DHX57: variants seen among roughly 807,000 people sequenced by gnomAD.
DHX57 encodes the protein DExH-box helicase 57.
A neutral mutation model predicts 156.2 loss-of-function variants in DHX57; 105 were observed. The observed-to-expected ratio is 0.67, with a 90% CI of 0.57 to 0.79. DHX57 has a LOEUF of 0.79. Among genes scored for constraint, DHX57 ranks in the 30% least tolerant of loss-of-function variants. The probability of loss-of-function intolerance (pLI) is 0.00; values close to 1 mark genes in which losing one functional copy is unlikely to be tolerated. For synonymous variants in DHX57, 704 were observed against 595.6 expected (o/e 1.18, Z -2.65); for missense variants, 1,847 against 1,661.9 (o/e 1.11, Z -1.94).
intron 6 of DHX57, chr2:38,857,226 G>T (rs1436420889): frequency 6.5e-6 from 1 of 153,012 alleles, no homozygotes; most frequent in Admixed American, 6.6e-5. Flanking sequence ...CATGGGTAGG[G>T]GCTACCATAT....
At chr2:38,862,517 C>G in intron 3 of DHX57, 184 bp from the exon 4 acceptor site, 1 of 525,630 alleles carries the variant, frequency 1.9e-6, no homozygotes, top group Non-Finnish European at 3.1e-6. Flanking sequence ...TTATTAAATA[C>G]CAGTTACTGT....
chr2:38,825,970 C>T lies in DHX57; in HGVS notation c.2891G>A (p.Arg964Gln), dbSNP rs567818287. Residue 964 changes from arginine (R) to glutamine (Q), a missense_variant, in exon 16 of 24, where the codon CGA becomes CAA. By Grantham distance (43) the Arg-to-Gln change is conservative (BLOSUM62 1). Transcript: ENST00000457308. The stretch of plus-strand genomic sequence containing the variant: ...GACCCCAGATGCAACACGGCCTGCT[C>T]GGCCTTTCCTTTGTAGAGCATTAGC... ...SQANALQRKGRAGRVASGVCF... is the reference protein window; with the variant it reads ...SQANALQRKGQAGRVASGVCF... The T allele has an allele frequency of 4.3e-6, 7 of 1,614,170 alleles. No individual in the cohort carries two copies. Among genetic ancestry groups the T allele is most frequent in the Admixed American group, 1.7e-5 (1 of 60,006 alleles).
At chr2:38,830,409 C>G (rs559560100) in intron 13 of DHX57, among the ~76,000 whole-genome samples, 1 of 152,142 alleles carries the variant, frequency 6.6e-6, no homozygotes, top group Non-Finnish European at 1.5e-5. Flanking sequence ...GGGTGGATCA[C>G]CTGAGGTCAA....
At position 38,798,161 on chromosome 2, in the gene DHX57, G is replaced by C; in HGVS notation, c.*138C>G. On this transcript the variant is annotated 3_prime_UTR_variant, in exon 24 of 24. Coordinates refer to ENST00000457308, the MANE Select transcript of DHX57 (RefSeq NM_198963.3). ...CCCTAAGGGTATATACACTGCCTCA[G>C]CTGCCTTGGGCTTCATGCCCTGGGC... The C allele has an allele frequency of 8.5e-7, 1 of 1,178,964 alleles. No individual in the cohort carries two copies. The highest frequency in any genetic ancestry group is 2.4e-5 in the East Asian group (1 of 41,626). 73.0% of individuals were successfully genotyped at this position (1,178,964 alleles called of 1,614,324 possible). A position where few individuals can be genotyped will look rare whatever the true frequency, so the allele number is the denominator to read the frequency against.
intron 13 of DHX57, among the ~76,000 whole-genome samples, chr2:38,830,124 T>C (rs940244115): frequency 6.6e-6 from 1 of 152,144 alleles, no homozygotes; most frequent in African/African-American, 2.4e-5. Context: ...CAATGGGATA[T>C]AAAACAAGCA....
chr2:38,806,587 T>G lies in DHX57; in HGVS notation c.3788A>C (p.His1263Pro). Residue 1263 changes from histidine to proline, a missense_variant, in exon 22 of 24, where the codon CAC becomes CCC. Transcript: ENST00000457308. ...KFVTKNDGYVHIHPSSVNYQV... is the reference protein window; with the variant it reads ...KFVTKNDGYVPIHPSSVNYQV... Reference sequence around the variant, plus strand: ...ATAGTTCACTGATGAAGGGTGAATGTGTACATATCCATCGTTCTTGGTGAC... The same window carrying G: ...ATAGTTCACTGATGAAGGGTGAATGGGTACATATCCATCGTTCTTGGTGAC... 6.2e-7 allele frequency: 1 copy of G among 1,614,150 alleles called. No individual in the cohort carries two copies. Among genetic ancestry groups the G allele is most frequent in the Non-Finnish European group, 8.5e-7 (1 of 1,180,026 alleles).
chr2:38,804,593 G>A (rs894553009), intron 22 of DHX57, among the ~76,000 whole-genome samples: 4 of 152,098 alleles, frequency 2.6e-5, no homozygotes, highest in Admixed American at 2.6e-4. Context: ...TCAAGTCCTT[G>A]CCATGGCTAC....
chr2:38,855,018 T>C (rs747246903), intron 8 of DHX57, 39 bp downstream of exon 8: 14 of 1,613,534 alleles, frequency 8.7e-6, no homozygotes, highest in Admixed American at 8.3e-5. Context: ...CTAAAAACCA[T>C]AAATTTCTGT....
intron 11 of DHX57, among the ~76,000 whole-genome samples, chr2:38,844,302 A>G (rs1157067381): frequency 6.6e-6 from 1 of 152,244 alleles, no homozygotes; most frequent in Non-Finnish European, 1.5e-5. Flanking sequence ...AAATGTTATT[A>G]GAGGCACAAG....
At chr2:38,815,416 T>G (rs1670486639) in intron 20 of DHX57, 105 bp downstream of exon 20, 7 of 1,447,536 alleles carry the variant, frequency 4.8e-6, no homozygotes, top group Non-Finnish European at 5.7e-6. Flanking sequence ...ATTAACCCAC[T>G]GCTCAAAGGC....
chr2:38,798,112 T>G lies in DHX57; in HGVS notation c.*187A>C. 2 of 581,492 alleles carry G rather than the reference T, an allele frequency of 3.4e-6. No homozygotes were observed. Among genetic ancestry groups the G allele is most frequent in the Non-Finnish European group, 5.6e-6 (2 of 356,006 alleles). 36.0% of individuals were successfully genotyped at this position (581,492 alleles called of 1,614,324 possible). A position where few individuals can be genotyped will look rare whatever the true frequency, so the allele number is the denominator to read the frequency against. ...TTGACACTCCAAATTGTGCTGGGAGTGGCCAAGGCTTTGTTAGAAATGGCC... is the reference window on the plus strand; with the variant it reads ...TTGACACTCCAAATTGTGCTGGGAGGGGCCAAGGCTTTGTTAGAAATGGCC... On this transcript the variant is annotated 3_prime_UTR_variant, in exon 24 of 24. Transcript: ENST00000457308.
At position 38,861,779 on chromosome 2, in the gene DHX57, C is replaced by A; in HGVS notation, c.631G>T (p.Gly211Ter). The A allele has an allele frequency of 1.2e-6, 2 of 1,613,952 alleles. No homozygotes were observed. Among genetic ancestry groups the A allele is most frequent in the Non-Finnish European group, 1.7e-6 (2 of 1,179,926 alleles). Reference sequence around the variant, plus strand: ...GTAAGGAGATGCTCTAGTGATGCTCCCACATCTCCATCACACATCCTCAGG... The same window carrying A: ...GTAAGGAGATGCTCTAGTGATGCTCACACATCTCCATCACACATCCTCAGG... ...AVLRMCDGDV[G>*]ASLEHLLTQC... Residue 211 changes from glycine (G) to a stop codon, truncating the protein, a stop_gained, in exon 5 of 24, where the codon GGA (glycine) becomes TGA (stop). Coordinates refer to ENST00000457308, the MANE Select transcript of DHX57 (RefSeq NM_198963.3). LOFTEE classifies it high-confidence loss of function.
At chr2:38,868,802 TTTTA>T (rs35920872) in intron 1 of DHX57, among the ~76,000 whole-genome samples, 84,738 of 150,162 alleles carry the variant, frequency 0.56, 24,933 homozygotes, top group East Asian at 0.81. Flanking sequence ...TAATTTAGAG[TTTTA>T]TTTATTTATT....
chr2:38,858,561 CAGA>C lies in DHX57; in HGVS notation c.1587+97_1587+99del, dbSNP rs890658805. ...TTGACCACTCAGGGAGAAAAAGAAC[CAGA>C]AGAATTTTAAGGAGGGTAGCCAAAG... On this transcript the variant is annotated intron_variant, in intron 6 of 23. Transcript: ENST00000457308. 4 of 1,435,450 alleles carry C rather than the reference CAGA, an allele frequency of 2.8e-6. No individual in the cohort carries two copies. In the South Asian group the frequency reaches 5.7e-5, roughly 21 times the overall value. The allele number at this position is 1,435,450 out of a possible 1,614,324, so 88.9% of individuals were successfully genotyped here. A position where few individuals can be genotyped will look rare whatever the true frequency, so the allele number is the denominator to read the frequency against.
chr2:38,831,321 TC>T (rs1262386427), intron 13 of DHX57, among the ~76,000 whole-genome samples: 2 of 105,198 alleles, frequency 1.9e-5, no homozygotes. Flanking sequence ...TTTCTTTATT[TC>T]TTTTTTTTTT....
Position 38,826,674 on chromosome 2 carries a change from T to C in DHX57, c.2655A>G (p.Pro885=), listed in dbSNP as rs1671103327. The C allele has an allele frequency of 2.5e-6, 4 of 1,614,038 alleles. No individual in the cohort carries two copies. The highest frequency in any genetic ancestry group is 3.4e-6 in the Non-Finnish European group (4 of 1,179,968). Residue 885 remains proline, a synonymous_variant, in exon 15 of 24, where the codon CCA becomes CCG. Transcript: ENST00000457308. ...CTTCACTGGATAAAGATGAATGAAGTGGGTGAATAACACATCTGGAAGGAA... is the reference window on the plus strand; with the variant it reads ...CTTCACTGGATAAAGATGAATGAAGCGGGTGAATAACACATCTGGAAGGAA... ...NRRSNRCVIH[P]LHSSLSSEEQ...
intron 13 of DHX57, among the ~76,000 whole-genome samples, chr2:38,836,775 CAAAAAAAAAA>C (rs964200602): frequency 2.4e-5 from 1 of 42,466 alleles, no homozygotes. Context: ...GACCCTGTCT[CAAAAAAAAAA>C]AAAAAAAAAA....
chr2:38,837,477 G>C (rs987996425), intron 13 of DHX57, among the ~76,000 whole-genome samples: 3 of 151,654 alleles, frequency 2.0e-5, no homozygotes, highest in African/African-American at 7.3e-5. Flanking sequence ...CAGGTGTGGT[G>C]GCACATGCTT....
rs771997574 is a variant in DHX57, at chr2:38,847,051, T to C, written c.2187A>G (p.Gln729=). 22 of 1,613,044 alleles carry C rather than the reference T, an allele frequency of 1.4e-5. 1 individual carries two copies. The highest frequency in any genetic ancestry group is 1.6e-4 in the Middle Eastern group (1 of 6,082). The change falls in exon 11 of 24, where the codon CAA becomes CAG. Residue 729 remains glutamine, a synonymous_variant. Coordinates refer to ENST00000457308, the MANE Select transcript of DHX57 (RefSeq NM_198963.3). ...TIPGRTFPVD[Q]FFLEDAIAVT... is the part of the protein sequence containing the mutation. ...CAGCAATTGCATCTTCCAAAAAAAATTGATCAACAGGAAATGTACGACCTA... is the reference window on the plus strand; with the variant it reads ...CAGCAATTGCATCTTCCAAAAAAAACTGATCAACAGGAAATGTACGACCTA...
Sources: allele counts gnomAD v4.1 joint callset (sites outside exome capture counted in the v4.1 genomes callset), GRCh38; gene constraint gnomAD v4.1.1; transcripts MANE v1.5; gene names NCBI Gene and HGNC (gene_info 2026-07-23, HGNC 2026-07-21).